The following PCDH15 variants were observed in gnomAD, a reference collection of about 807,000 sequenced individuals.
PCDH15 encodes the protein protocadherin related 15, also known as protocadherin-15.
A neutral mutation model predicts 178.5 loss-of-function variants in PCDH15; 129 were observed. The ratio of observed to expected loss-of-function variants is 0.72; its 90% CI spans 0.63 to 0.84. PCDH15 has a LOEUF of 0.84. PCDH15 is among the 40% of genes least tolerant of loss of function. PCDH15 has a pLI of 0.00. For synonymous variants in PCDH15, 800 were observed against 732.0 expected (o/e 1.09, Z -1.50); for missense variants, 2,230 against 2,099.9 (o/e 1.06, Z -1.21).
At chr10:54,969,450 G>C (rs978980609) in intron 2 of PCDH15, among the ~76,000 whole-genome samples, 1 of 152,154 alleles carries the variant, frequency 6.6e-6, no homozygotes, top group Non-Finnish European at 1.5e-5. Context: ...AGTCCTATGT[G>C]AATGTTGAGA....
At chr10:54,347,956 C>A (rs750563730) in intron 5 of PCDH15, among the ~76,000 whole-genome samples, 3 of 152,080 alleles carry the variant, frequency 2.0e-5, no homozygotes, top group Admixed American at 6.5e-5. Flanking sequence ...TCACGCCATT[C>A]TCCTGCCTCA....
At chr10:55,523,448 C>A (rs1841231120) in intron 2 of PCDH15, among the ~76,000 whole-genome samples, 1 of 151,522 alleles carries the variant, frequency 6.6e-6, no homozygotes, top group South Asian at 2.1e-4. Context: ...ATACTGCATT[C>A]TTAAATCAAG....
chr10:54,737,138 T>G (rs1050138226), intron 1 of PCDH15, among the ~76,000 whole-genome samples: 1 of 152,092 alleles, frequency 6.6e-6, no homozygotes, highest in Non-Finnish European at 1.5e-5. Flanking sequence ...AAGGACCTGA[T>G]GTTAGACCTG....
intron 25 of PCDH15, among the ~76,000 whole-genome samples, chr10:53,936,995 G>T (rs1324972933): frequency 6.6e-6 from 1 of 152,056 alleles, no homozygotes; most frequent in Non-Finnish European, 1.5e-5. Context: ...GGAGGCAAAG[G>T]TCAATCATAA....
chr10:54,713,747 T>C (rs1256559316), intron 1 of PCDH15, among the ~76,000 whole-genome samples: 1 of 152,156 alleles, frequency 6.6e-6, no homozygotes. Flanking sequence ...ACAGGTATCT[T>C]ATTTATTTAA....
At chr10:54,102,303 C>T (rs2094827635) in intron 15 of PCDH15, among the ~76,000 whole-genome samples, 1 of 152,184 alleles carries the variant, frequency 6.6e-6, no homozygotes, top group Non-Finnish European at 1.5e-5. Context: ...GCTGCAGTGG[C>T]TGAGAAGTCT....
chr10:55,213,211 T>A (rs530287368), intron 1 of PCDH15, among the ~76,000 whole-genome samples: 3 of 152,024 alleles, frequency 2.0e-5, no homozygotes, highest in African/African-American at 7.3e-5. Context: ...AAATAGATGG[T>A]TGGATTAAAA....
intron 17 of PCDH15, among the ~76,000 whole-genome samples, chr10:54,076,969 G>C (rs2094352515): frequency 6.6e-6 from 1 of 152,000 alleles, no homozygotes; most frequent in Admixed American, 6.6e-5. Flanking sequence ...TAATTTTACT[G>C]TAATTACTAA....
chr10:55,483,990 G>A (rs781393151), intron 2 of PCDH15, among the ~76,000 whole-genome samples: 7 of 151,776 alleles, frequency 4.6e-5, no homozygotes, highest in Non-Finnish European at 1.0e-4. Flanking sequence ...ATGACATCGT[G>A]TCCTTTGCAG....
chr10:54,060,713 A>G (rs2093995862), intron 18 of PCDH15, among the ~76,000 whole-genome samples: 1 of 152,128 alleles, frequency 6.6e-6, no homozygotes, highest in Non-Finnish European at 1.5e-5. Flanking sequence ...CCCATATTTT[A>G]AGCTGTTCAT....
Position 55,413,372 on chromosome 10 carries a change from A to C in PCDH15, c.-156+214253T>G, listed in dbSNP as rs138429901. ...ATTTAGCATATTTTAAATATTTTAAATAAAATGTTTAGCATATTTTAAAGG... is the reference window on the plus strand; with the variant it reads ...ATTTAGCATATTTTAAATATTTTAACTAAAATGTTTAGCATATTTTAAAGG... On this transcript the variant is annotated intron_variant, in intron 2 of 5. Transcript: ENST00000613346. Among the ~76,000 whole-genome samples the C allele has an allele frequency of 1.5e-3, 235 of 151,808 alleles. 1 individual carries two copies. The highest frequency in any genetic ancestry group is 5.2e-3 in the African/African-American group (214 of 41,526).
intron 2 of PCDH15, among the ~76,000 whole-genome samples, chr10:55,372,306 A>T (rs1845524848): frequency 6.6e-6 from 1 of 151,900 alleles, no homozygotes; most frequent in African/African-American, 2.4e-5. Context: ...CCACCTGCAC[A>T]CCCACCCATA....
chr10:55,557,221 A>T (rs180738441), intron 2 of PCDH15, among the ~76,000 whole-genome samples: 20 of 152,298 alleles, frequency 1.3e-4, no homozygotes, highest in Non-Finnish European at 2.4e-4. Flanking sequence ...TTGCTGAAAC[A>T]TTTAAGTTTA....
intron 2 of PCDH15, among the ~76,000 whole-genome samples, chr10:54,623,627 G>T (rs1172500713): frequency 6.6e-6 from 1 of 151,826 alleles, no homozygotes; most frequent in African/African-American, 2.4e-5. Flanking sequence ...CCATATTTTG[G>T]GCTCTTCAAG....
chr10:54,076,022 G>A (rs531991679), intron 17 of PCDH15, among the ~76,000 whole-genome samples: 3 of 152,038 alleles, frequency 2.0e-5, no homozygotes, highest in Admixed American at 2.0e-4. Context: ...AATAGAAATT[G>A]CAGTAAATCT....
intron 20 of PCDH15, among the ~76,000 whole-genome samples, chr10:53,998,064 C>T (rs1258695627): frequency 6.6e-6 from 1 of 152,140 alleles, no homozygotes; most frequent in Non-Finnish European, 1.5e-5. Flanking sequence ...TATAAATCGG[C>T]TTCTGTGCAA....
At chr10:55,576,069 G>A (rs1214738388) in intron 2 of PCDH15, among the ~76,000 whole-genome samples, 2 of 152,100 alleles carry the variant, frequency 1.3e-5, no homozygotes, top group Admixed American at 1.3e-4. Context: ...CTTGAACAAC[G>A]TGGGGGTTGC....
intron 2 of PCDH15, among the ~76,000 whole-genome samples, chr10:54,991,390 G>GA (rs1839497548): frequency 2.6e-5 from 4 of 151,978 alleles, no homozygotes; most frequent in Admixed American, 2.0e-4. Context: ...AGAGGTAATT[G>GA]AAAAAAGAGA....
chr10:54,709,109 C>A (rs1031525378), intron 1 of PCDH15, among the ~76,000 whole-genome samples: 12 of 151,920 alleles, frequency 7.9e-5, no homozygotes, highest in Non-Finnish European at 1.6e-4. Flanking sequence ...TTCTTTCATT[C>A]CAAAGAAAAA....
Sources: allele counts gnomAD v4.1 joint callset (sites outside exome capture counted in the v4.1 genomes callset), GRCh38; gene constraint gnomAD v4.1.1; transcripts MANE v1.5; gene names NCBI Gene and HGNC (gene_info 2026-07-23, HGNC 2026-07-21).